CNTLN: variants seen among roughly 807,000 people sequenced by gnomAD.
The protein encoded by CNTLN is centlein.
Under a neutral mutation model 180.0 loss-of-function variants are expected in CNTLN, and 212 were observed. The observed-to-expected ratio is 1.18, with a 90% CI of 1.05 to 1.32. The LOEUF (loss-of-function observed/expected upper bound fraction) is 1.32, where lower values mean the gene tolerates loss of function less well. Among genes scored for constraint, CNTLN ranks in the 40% most tolerant of loss-of-function variants. CNTLN has a pLI of 0.00. For missense variants in CNTLN, 2,095 were observed against 1,610.9 expected (o/e 1.30, Z -5.14); for synonymous variants, 722 against 563.1 (o/e 1.28, Z -3.99).
chr9:17,294,187 A>T (rs1472782479), intron 6 of CNTLN, among the ~76,000 whole-genome samples: 1 of 151,824 alleles, frequency 6.6e-6, no homozygotes, highest in African/African-American at 2.4e-5. Context: ...AGCAGCAGCA[A>T]GATTTATTGC....
At chr9:17,417,523 G>C (rs1828359729) in intron 18 of CNTLN, among the ~76,000 whole-genome samples, 1 of 151,908 alleles carries the variant, frequency 6.6e-6, no homozygotes, top group South Asian at 2.1e-4. Context: ...ACTTTTTGGT[G>C]TTCTCTTAAA....
the CNTLN span, among the ~76,000 whole-genome samples, chr9:17,509,613 T>A: frequency 6.6e-6 from 1 of 152,104 alleles, no homozygotes; most frequent in Non-Finnish European, 1.5e-5. Context: ...GAAGTAAAAC[T>A]TTGCAAGGTA....
chr9:17,142,366 G>C (rs1312262973), intron 1 of CNTLN, among the ~76,000 whole-genome samples: 1 of 152,158 alleles, frequency 6.6e-6, no homozygotes, highest in Non-Finnish European at 1.5e-5. Flanking sequence ...GGACACCACT[G>C]TTTTAGATCT....
intron 25 of CNTLN, among the ~76,000 whole-genome samples, chr9:17,494,611 A>C (rs956764528): frequency 1.3e-5 from 2 of 152,030 alleles, no homozygotes; most frequent in Non-Finnish European, 2.9e-5. Flanking sequence ...CTTATAAGTG[A>C]GAATAGGCAA....
At position 17,318,028 on chromosome 9, in the gene CNTLN, C is replaced by CT. The variant is rs869093440; in HGVS notation, c.1341+8793dup. ...TCTAACTGAATTTTTTTTTTCTTTT[C>CT]TTTTTTTTTTTTTTTTTGAGAAGGA... On this transcript the variant is annotated intron_variant, in intron 8 of 25. Transcript: ENST00000380647. Among the ~76,000 whole-genome samples the CT allele has an allele frequency of 2.3e-3, 332 of 144,094 alleles. 4 individuals are homozygous for CT. The highest frequency in any genetic ancestry group is 6.8e-3 in the African/African-American group (266 of 39,160). The allele number at this position is 144,094 out of a possible 152,430, so 94.5% of individuals were successfully genotyped here. A position where few individuals can be genotyped will look rare whatever the true frequency, so the allele number is the denominator to read the frequency against.
the CNTLN span, among the ~76,000 whole-genome samples, chr9:17,518,734 G>C: frequency 1.3e-5 from 2 of 152,076 alleles, no homozygotes; most frequent in African/African-American, 4.8e-5. Flanking sequence ...TCACCTTCCA[G>C]TAGAAGCTTT....
intron 7 of CNTLN, among the ~76,000 whole-genome samples, chr9:17,307,198 A>C (rs1448795099): frequency 1.3e-5 from 2 of 152,234 alleles, no homozygotes; most frequent in Non-Finnish European, 1.5e-5. Context: ...ACTTTCTTTT[A>C]AAAGATTGCC....
intron 5 of CNTLN, among the ~76,000 whole-genome samples, chr9:17,258,376 T>C (rs934010553): frequency 3.3e-5 from 5 of 150,922 alleles, no homozygotes; most frequent in African/African-American, 1.2e-4. Context: ...TTTTGGTTAC[T>C]GTAGCCTTGT....
rs528756370 is a variant in CNTLN, at chr9:17,288,555, G to C, written c.984-9635G>C. On this transcript the variant is annotated intron_variant, in intron 6 of 25. Transcript: ENST00000380647. ...GGTGCAGAGCTGAGTTCAATTCCTG[G>C]GTATCTTTGTTGACTTTCTGTCTCG... Among the ~76,000 whole-genome samples, 647 of 127,822 alleles carry C rather than the reference G, an allele frequency of 5.1e-3. 78 individuals carry two copies. Among genetic ancestry groups the C allele is most frequent in the African/African-American group, 0.02 (600 of 29,424 alleles). The allele number at this position is 127,822 out of a possible 152,430, so 83.9% of individuals were successfully genotyped here.
chr9:17,386,584 T>C (rs1384671108), intron 13 of CNTLN, among the ~76,000 whole-genome samples: 2 of 152,204 alleles, frequency 1.3e-5, no homozygotes, highest in Non-Finnish European at 2.9e-5. Context: ...TTTCTTTCCA[T>C]GGCATGAGCT....
chr9:17,493,922 T>C (rs958497687), intron 25 of CNTLN, among the ~76,000 whole-genome samples: 1 of 152,166 alleles, frequency 6.6e-6, no homozygotes, highest in African/African-American at 2.4e-5. Flanking sequence ...AGACCTGGGG[T>C]TGCGTTCTGT....
At chr9:17,345,625 G>A (rs1268230372) in intron 12 of CNTLN, among the ~76,000 whole-genome samples, 2 of 150,872 alleles carry the variant, frequency 1.3e-5, no homozygotes, top group African/African-American at 4.9e-5. Context: ...TACTTTAAGT[G>A]GAATCTAGAA....
intron 19 of CNTLN, among the ~76,000 whole-genome samples, chr9:17,462,102 C>T (rs942091153): frequency 1.3e-5 from 2 of 151,798 alleles, no homozygotes; most frequent in African/African-American, 4.8e-5. Context: ...CTCTAACAAA[C>T]TATCCCGAAA....
In CNTLN at chr9:17,440,452, A is replaced by AGTG. The variant is rs1830041299; in HGVS notation, c.3115-17070_3115-17068dup. 2.0e-5 allele frequency among the ~76,000 whole-genome samples: 3 copies of AGTG among 150,488 alleles called. No individual in the cohort carries two copies. The South Asian group carries it at 6.3e-4, about 32-fold the overall frequency. On this transcript the variant is annotated intron_variant, in intron 18 of 25. Coordinates refer to ENST00000380647, the MANE Select transcript of CNTLN (RefSeq NM_017738.4). ...AAAAAAAAAAAAATGAGCCGGGCGT[A>AGTG]GTGGCAGGCGCCTGTAATCCCAGCT...
chr9:17,504,327 C>G (rs191755492), downstream of CNTLN, among the ~76,000 whole-genome samples: 1 of 151,942 alleles, frequency 6.6e-6, no homozygotes, highest in Non-Finnish European at 1.5e-5. Context: ...CAGGAAAGCA[C>G]GAGTAATAAA....
intron 18 of CNTLN, among the ~76,000 whole-genome samples, chr9:17,432,754 T>A (rs1829488546): frequency 6.6e-6 from 1 of 152,162 alleles, no homozygotes; most frequent in Non-Finnish European, 1.5e-5. Context: ...GTGTGGTGGC[T>A]CATGCCTGTA....
At chr9:17,263,042 T>A (rs147209130) in intron 5 of CNTLN, among the ~76,000 whole-genome samples, 3,476 of 151,482 alleles carry the variant, frequency 0.023, 258 homozygotes, top group African/African-American at 0.079. Context: ...TCAATTTTTT[T>A]AATTTTATTA....
chr9:17,202,646 G>GTTCTTTTTTT (rs1822615356), intron 2 of CNTLN, among the ~76,000 whole-genome samples: 1 of 71,486 alleles, frequency 1.4e-5, no homozygotes, highest in African/African-American at 5.3e-5. Context: ...TGCAACCTCT[G>GTTCTTTTTTT]TTTTTTTTTT....
chr9:17,353,286 CTT>C (rs36048699), intron 12 of CNTLN, among the ~76,000 whole-genome samples: 48 of 127,514 alleles, frequency 3.8e-4, no homozygotes, highest in African/African-American at 9.4e-4. Context: ...AACTGCCAAA[CTT>C]TTTTTTTTTT....
Sources: gnomAD v4.1 joint callset for allele counts (sites outside exome capture counted in the v4.1 genomes callset) on GRCh38, gnomAD v4.1.1 for gene constraint, MANE v1.5 for transcripts, NCBI Gene and HGNC (gene_info 2026-07-23, HGNC 2026-07-21) for gene names.